Variants in TANK observed in about 807,000 individuals in gnomAD.
The protein encoded by TANK is TRAF family member-associated NF-kappa-B activator.
In TANK, 15 loss-of-function variants were observed where a neutral mutation model predicts 43.6. The ratio of observed to expected loss-of-function variants is 0.34; its 90% CI spans 0.23 to 0.53. TANK has a LOEUF of 0.53. Among genes scored for constraint, TANK ranks in the 20% least tolerant of loss-of-function variants. TANK has a pLI of 0.94. For synonymous variants in TANK, 162 were observed against 178.2 expected (o/e 0.91, Z 0.73); for missense variants, 417 against 498.6 (o/e 0.84, Z 1.56).
intron 1 of TANK, chr2:161,161,082 C>A: frequency 1.1e-6 from 1 of 879,084 alleles, no homozygotes; most frequent in Non-Finnish European, 1.6e-6. Flanking sequence ...CAACCCCGCC[C>A]ACAGTGGGAA....
At chr2:161,190,187 T>C (rs1008479875) in intron 2 of TANK, among the ~76,000 whole-genome samples, 3 of 152,178 alleles carry the variant, frequency 2.0e-5, no homozygotes, top group African/African-American at 7.2e-5. Flanking sequence ...CAAGAAGTTA[T>C]ACAGATGGCC....
In TANK at chr2:161,231,383, C is replaced by T; in HGVS notation, c.933C>T (p.Pro311=). The T allele has an allele frequency of 6.2e-7, 1 of 1,614,120 alleles. No individual in the cohort carries two copies. The highest frequency in any genetic ancestry group is 8.5e-7 in the Non-Finnish European group (1 of 1,180,002). The change falls in exon 7 of 8, where the codon CCC becomes CCT. Residue 311 remains proline, a synonymous_variant. Coordinates refer to ENST00000392749, the MANE Select transcript of TANK (RefSeq NM_001199135.3). ...QNLKTTDKTK[P]SNLVNTCIRT... is the part of the protein sequence containing the mutation. ...TTAAAACAACTGACAAAACAAAGCCCTCAAATCTCGTAAACACTTGTATCA... is the reference window on the plus strand; with the variant it reads ...TTAAAACAACTGACAAAACAAAGCCTTCAAATCTCGTAAACACTTGTATCA...
At chr2:161,168,550 A>G (rs1278546199) in intron 1 of TANK, among the ~76,000 whole-genome samples, 1 of 152,166 alleles carries the variant, frequency 6.6e-6, no homozygotes, top group Non-Finnish European at 1.5e-5. Flanking sequence ...AATCGGTTTA[A>G]GGCCAGGCAC....
At chr2:161,139,928 T>G (rs1288366873) in intron 1 of TANK, 25 of 974,078 alleles carry the variant, frequency 2.6e-5, no homozygotes, top group Non-Finnish European at 3.1e-5. Flanking sequence ...TGATTAATCT[T>G]ATATCCAACT....
intron 2 of TANK, among the ~76,000 whole-genome samples, chr2:161,188,890 A>C (rs994404568): frequency 1.3e-5 from 2 of 152,186 alleles, no homozygotes; most frequent in African/African-American, 4.8e-5. Context: ...ATGCTGCTCC[A>C]AAACTGTCAG....
intron 1 of TANK, among the ~76,000 whole-genome samples, chr2:161,147,206 G>A (rs558156233): frequency 6.4e-4 from 97 of 152,320 alleles, no homozygotes; most frequent in African/African-American, 2.1e-3. Context: ...GCAGCCTGGA[G>A]CTATAGAGAT....
At chr2:161,157,845 G>T (rs527662610), upstream of TANK, among the ~76,000 whole-genome samples, 14 of 152,130 alleles carry the variant, frequency 9.2e-5, no homozygotes, top group South Asian at 2.7e-3. Context: ...CACCAAACCT[G>T]GCTAATTTTT....
intron 4 of TANK, among the ~76,000 whole-genome samples, chr2:161,221,730 G>A (rs558365573): frequency 2.8e-4 from 42 of 151,204 alleles, no homozygotes; most frequent in Non-Finnish European, 5.0e-4. Context: ...CTTGGGTACC[G>A]GGAACTCAGA....
At chr2:161,211,677 T>C in intron 4 of TANK, 1 of 772,448 alleles carries the variant, frequency 1.3e-6, no homozygotes, top group Non-Finnish European at 1.6e-6. Context: ...TACTCAACTT[T>C]TTAAAAATTT....
In TANK at chr2:161,231,356, C is replaced by G. The variant is rs1299705249; in HGVS notation, c.906C>G (p.Asn302Lys). Residue 302 changes from asparagine to lysine, a missense_variant, in exon 7 of 8, where the codon AAC becomes AAG. By Grantham distance (94) the Asn-to-Lys change is moderately conservative. Transcript: ENST00000392749. ...ACCCCATAGCTTCAGCTATACAAAA[C>G]CTTAAAACAACTGACAAAACAAAGC... is the stretch of plus-strand genomic sequence containing the variant. Reference protein sequence around the residue: ...GIDPIASAIQNLKTTDKTKPS... With the variant: ...GIDPIASAIQKLKTTDKTKPS... The G allele has an allele frequency of 1.9e-6, 3 of 1,613,998 alleles. No homozygotes were observed. The Admixed American group carries it at 5.0e-5, about 27-fold the overall frequency.
At chr2:161,230,625 A>G (rs1211059495) in intron 6 of TANK, among the ~76,000 whole-genome samples, 1 of 152,220 alleles carries the variant, frequency 6.6e-6, no homozygotes, top group Non-Finnish European at 1.5e-5. Context: ...AAGCAAACTC[A>G]CAGTTATAGC....
intron 1 of TANK, among the ~76,000 whole-genome samples, chr2:161,176,853 C>T (rs557154715): frequency 6.6e-6 from 1 of 152,168 alleles, no homozygotes; most frequent in East Asian, 1.9e-4. Context: ...GACAATTTTT[C>T]ATGACATGCA....
chr2:161,230,283 G>A (rs547877076), intron 6 of TANK, among the ~76,000 whole-genome samples: 2 of 152,078 alleles, frequency 1.3e-5, no homozygotes, highest in African/African-American at 4.8e-5. Flanking sequence ...TGGATAAGTG[G>A]TTCTAGATAA....
chr2:161,171,829 G>T (rs908870455), intron 1 of TANK, among the ~76,000 whole-genome samples: 24 of 152,252 alleles, frequency 1.6e-4, no homozygotes, highest in Non-Finnish European at 3.2e-4. Context: ...TACCATTTAT[G>T]AATCTTGTGT....
At chr2:161,217,812 G>T (rs111812270) in intron 4 of TANK, among the ~76,000 whole-genome samples, 1 of 151,926 alleles carries the variant, frequency 6.6e-6, no homozygotes, top group Non-Finnish European at 1.5e-5. Flanking sequence ...AGTTATAAGA[G>T]AACAGACATC....
At chr2:161,154,830 C>T (rs1684180445) in intron 1 of TANK, among the ~76,000 whole-genome samples, 1 of 151,736 alleles carries the variant, frequency 6.6e-6, no homozygotes, top group African/African-American at 2.4e-5. Context: ...CTGCAACCTC[C>T]GCCTCCCAGG....
chr2:161,193,560 AAAAT>A (rs1558987383), intron 2 of TANK, among the ~76,000 whole-genome samples: 2 of 152,202 alleles, frequency 1.3e-5, no homozygotes, highest in South Asian at 2.1e-4. Flanking sequence ...TCTTTATTTA[AAAAT>A]AAATAAATAG....
At chr2:161,175,592 T>C (rs1206907810) in intron 1 of TANK, among the ~76,000 whole-genome samples, 2 of 152,166 alleles carry the variant, frequency 1.3e-5, no homozygotes, top group African/African-American at 4.8e-5. Context: ...TTGCTAGGGC[T>C]GGGAAGCTTT....
At chr2:161,150,003 C>T (rs189224174) in intron 1 of TANK, among the ~76,000 whole-genome samples, 14 of 152,192 alleles carry the variant, frequency 9.2e-5, no homozygotes, top group East Asian at 1.9e-4. Context: ...CCCCATAGAA[C>T]GAGTTAGTAA....
Sources: gnomAD v4.1 joint callset for allele counts (sites outside exome capture counted in the v4.1 genomes callset) on GRCh38, gnomAD v4.1.1 for gene constraint, MANE v1.5 for transcripts, NCBI Gene and HGNC (gene_info 2026-07-23, HGNC 2026-07-21) for gene names.